The following GPRASP3 variants were observed in gnomAD, a reference collection of about 807,000 sequenced individuals.
The protein encoded by GPRASP3 is G protein-coupled receptor associated sorting protein 3.
At chrX:102,747,166 A>G in the GPRASP3 span, among the ~76,000 whole-genome samples, 1 of 112,025 alleles carries the variant, frequency 8.9e-6, no homozygotes, top group African/African-American at 3.2e-5. Flanking sequence ...AATTCATGGC[A>G]TTTCTGATGG....
At chrX:102,731,413 G>A in the GPRASP3 span, among the ~76,000 whole-genome samples, 1 of 111,917 alleles carries the variant, frequency 8.9e-6, no homozygotes, top group Non-Finnish European at 1.9e-5. Flanking sequence ...CACAAGGTCA[G>A]GGGTTTGAGA....
At chrX:102,721,607 C>G in the GPRASP3 span, among the ~76,000 whole-genome samples, 4 of 111,053 alleles carry the variant, frequency 3.6e-5, no homozygotes, top group African/African-American at 1.3e-4. Context: ...CCAAGCTTCT[C>G]GACCCCCAAG....
At chrX:102,750,924 G>A in the GPRASP3 span, 1 of 215,524 alleles carries the variant, frequency 4.6e-6, no homozygotes, top group Non-Finnish European at 9.0e-6. Flanking sequence ...GCTTAAAATG[G>A]CAAAAAAGAA....
chrX:102,727,999 C>A, the GPRASP3 span, among the ~76,000 whole-genome samples: 14 of 111,295 alleles, frequency 1.3e-4, no homozygotes, highest in Middle Eastern at 4.6e-3. Context: ...TGTACAAACT[C>A]CCTTTAGAAT....
At chrX:102,726,055 T>C in the GPRASP3 span, among the ~76,000 whole-genome samples, 3 of 111,974 alleles carry the variant, frequency 2.7e-5, no homozygotes, top group Non-Finnish European at 5.6e-5. Context: ...TAAGATTTAT[T>C]GGATTTATTG....
the GPRASP3 span, chrX:102,749,560 A>G: frequency 8.3e-7 from 1 of 1,211,564 alleles, no homozygotes; most frequent in East Asian, 3.0e-5. Flanking sequence ...TTTTGACCCT[A>G]ATCCTAAACC....
chrX:102,732,825 AC>A, the GPRASP3 span, among the ~76,000 whole-genome samples: 1 of 111,636 alleles, frequency 9.0e-6, no homozygotes, highest in Admixed American at 9.5e-5. Flanking sequence ...AACTGAGCTC[AC>A]CCATGGGTTT....
chrX:102,734,253 G>A, the GPRASP3 span, among the ~76,000 whole-genome samples: 2 of 112,040 alleles, frequency 1.8e-5, no homozygotes, highest in Non-Finnish European at 3.8e-5. Flanking sequence ...AATCTCCAAA[G>A]TTACCAGAAA....
the GPRASP3 span, among the ~76,000 whole-genome samples, chrX:102,734,610 C>CT: frequency 9.0e-6 from 1 of 111,038 alleles, no homozygotes; most frequent in African/African-American, 3.3e-5. Flanking sequence ...GAGCGAGACT[C>CT]TGTCTCAAAA....
At chrX:102,725,111 C>T in the GPRASP3 span, among the ~76,000 whole-genome samples, 2 of 111,558 alleles carry the variant, frequency 1.8e-5, no homozygotes, top group African/African-American at 6.5e-5. Context: ...CTTTCACAAC[C>T]TTGCACCCTT....
the GPRASP3 span, among the ~76,000 whole-genome samples, chrX:102,735,591 G>A: frequency 8.2e-5 from 9 of 109,822 alleles, no homozygotes; most frequent in Non-Finnish European, 1.5e-4. Context: ...TGTATTTTTA[G>A]TAGAGACAGG....
At chrX:102,722,479 A>G in the GPRASP3 span, among the ~76,000 whole-genome samples, 7 of 112,037 alleles carry the variant, frequency 6.2e-5, no homozygotes, top group African/African-American at 9.7e-5. Context: ...GTTTCATTAC[A>G]TAGGCGTGAT....
the GPRASP3 span, among the ~76,000 whole-genome samples, chrX:102,737,473 C>T: frequency 3.9e-4 from 44 of 111,850 alleles, 1 homozygote; most frequent in African/African-American, 1.4e-3. Flanking sequence ...AGTCAGAAGT[C>T]ATTCATGGAG....
chrX:102,727,920 A>T, the GPRASP3 span, among the ~76,000 whole-genome samples: 1 of 111,779 alleles, frequency 8.9e-6, no homozygotes, highest in East Asian at 2.8e-4. Context: ...AAGTTACACA[A>T]ATAGTGACAA....
the GPRASP3 span, among the ~76,000 whole-genome samples, chrX:102,729,685 C>T: frequency 8.9e-6 from 1 of 112,037 alleles, no homozygotes; most frequent in East Asian, 2.8e-4. Context: ...GCCTGGCCAA[C>T]ATGGAGAAAC....
chrX:102,726,203 A>G, the GPRASP3 span, among the ~76,000 whole-genome samples: 3,577 of 111,880 alleles, frequency 0.032, 134 homozygotes, highest in South Asian at 0.29. Context: ...CACATTGGTT[A>G]AGTAGCTTAG....
chrX:102,725,198 G>A, the GPRASP3 span, among the ~76,000 whole-genome samples: 2 of 112,084 alleles, frequency 1.8e-5, no homozygotes, highest in African/African-American at 3.2e-5. Context: ...ATGAAATGAA[G>A]AAAGAAGCTC....
chrX:102,733,473 A>G, the GPRASP3 span, among the ~76,000 whole-genome samples: 1 of 110,014 alleles, frequency 9.1e-6, no homozygotes, highest in Admixed American at 9.7e-5. Context: ...AAAAAAAAAA[A>G]AAAGCTCACA....
chrX:102,737,957 T>C, the GPRASP3 span, among the ~76,000 whole-genome samples: 1 of 111,091 alleles, frequency 9.0e-6, no homozygotes, highest in Admixed American at 9.6e-5. Flanking sequence ...TGTGAATCTT[T>C]TGTTTTGAGG....
Sources: allele counts gnomAD v4.1 joint callset (sites outside exome capture counted in the v4.1 genomes callset), GRCh38; gene constraint gnomAD v4.1.1; transcripts MANE v1.5; gene names NCBI Gene and HGNC (gene_info 2026-07-23, HGNC 2026-07-21).